HS3ST4: variants seen among roughly 807,000 people sequenced by gnomAD.
HS3ST4 encodes the protein heparan sulfate-glucosamine 3-sulfotransferase 4.
In HS3ST4, 17 loss-of-function variants were observed where a neutral mutation model predicts 29.2. The ratio of observed to expected loss-of-function variants is 0.58; its 90% CI spans 0.40 to 0.87. The LOEUF (loss-of-function observed/expected upper bound fraction) is 0.87. HS3ST4 is among the 40% of genes least tolerant of loss of function. The pLI, the probability that HS3ST4 is intolerant of heterozygous loss-of-function variation, is 0.00. For synonymous variants in HS3ST4, 314 were observed against 285.7 expected (o/e 1.10, Z -1.00); for missense variants, 627 against 634.5 (o/e 0.99, Z 0.13).
intron 1 of HS3ST4, among the ~76,000 whole-genome samples, chr16:25,986,122 C>G (rs11074738): frequency 0.13 from 19,825 of 152,212 alleles, 1,359 homozygotes; most frequent in Middle Eastern, 0.16. Context: ...TGCCAGCATC[C>G]TCTATCACCC....
chr16:25,918,262 G>A (rs935501941), intron 1 of HS3ST4, among the ~76,000 whole-genome samples: 20 of 152,134 alleles, frequency 1.3e-4, no homozygotes, highest in Non-Finnish European at 2.5e-4. Context: ...GGAAGGGCAC[G>A]TCTTATTGTC....
chr16:25,860,575 T>C (rs4603561), intron 1 of HS3ST4, among the ~76,000 whole-genome samples: 11,221 of 152,144 alleles, frequency 0.074, 472 homozygotes, highest in African/African-American at 0.12. Context: ...TGAAAAGATA[T>C]GAAGGAACCT....
chr16:25,776,287 A>T (rs112199122), intron 1 of HS3ST4, among the ~76,000 whole-genome samples: 1 of 152,188 alleles, frequency 6.6e-6, no homozygotes, highest in African/African-American at 2.4e-5. Context: ...CAACCTGGGA[A>T]CTGCTTAGAG....
chr16:25,708,441 C>CA (rs1256356072), intron 1 of HS3ST4, among the ~76,000 whole-genome samples: 3 of 152,134 alleles, frequency 2.0e-5, no homozygotes, highest in Non-Finnish European at 4.4e-5. Flanking sequence ...CCAATTTCTT[C>CA]ATTTGTGTTC....
chr16:25,749,939 G>T (rs1966708461), intron 1 of HS3ST4, among the ~76,000 whole-genome samples: 1 of 152,124 alleles, frequency 6.6e-6, no homozygotes, highest in Non-Finnish European at 1.5e-5. Context: ...ATTCTGGCTG[G>T]CAATGTGGTA....
At chr16:25,944,541 G>A (rs891545258) in intron 1 of HS3ST4, among the ~76,000 whole-genome samples, 1 of 152,216 alleles carries the variant, frequency 6.6e-6, no homozygotes, top group African/African-American at 2.4e-5. Flanking sequence ...TTAAGTTAAG[G>A]ACATTTACAT....
At chr16:26,004,902 C>G (rs1969243431) in intron 1 of HS3ST4, among the ~76,000 whole-genome samples, 1 of 152,116 alleles carries the variant, frequency 6.6e-6, no homozygotes, top group South Asian at 2.1e-4. Context: ...ATTTTGTCTC[C>G]ATATGCATTG....
At chr16:25,777,685 T>C (rs957706254) in intron 1 of HS3ST4, among the ~76,000 whole-genome samples, 4 of 152,116 alleles carry the variant, frequency 2.6e-5, no homozygotes, top group Admixed American at 2.6e-4. Flanking sequence ...GGAGAATCAC[T>C]TGAACCCAGG....
chr16:25,832,141 A>G (rs1967309645), intron 1 of HS3ST4, among the ~76,000 whole-genome samples: 1 of 152,132 alleles, frequency 6.6e-6, no homozygotes, highest in African/African-American at 2.4e-5. Flanking sequence ...AGTCCCATAT[A>G]TCCTCTTTTT....
At chr16:26,038,117 G>A (rs912895578) in intron 1 of HS3ST4, among the ~76,000 whole-genome samples, 1 of 152,032 alleles carries the variant, frequency 6.6e-6, no homozygotes, top group Non-Finnish European at 1.5e-5. Context: ...GGCTTCCTCT[G>A]CTCCATCCAC....
intron 1 of HS3ST4, among the ~76,000 whole-genome samples, chr16:26,046,715 A>G (rs574515276): frequency 1.8e-4 from 27 of 150,684 alleles, no homozygotes; most frequent in South Asian, 1.7e-3. Context: ...ATATATGTGT[A>G]TATATATATA....
At chr16:25,845,550 G>T (rs1967457266) in intron 1 of HS3ST4, among the ~76,000 whole-genome samples, 1 of 152,024 alleles carries the variant, frequency 6.6e-6, no homozygotes, top group East Asian at 1.9e-4. Context: ...AAGAGGAAAT[G>T]CTGGGTCAAA....
intron 1 of HS3ST4, among the ~76,000 whole-genome samples, chr16:25,758,569 G>A (rs763590140): frequency 1.3e-5 from 2 of 152,146 alleles, no homozygotes; most frequent in Admixed American, 6.5e-5. Flanking sequence ...TTCATTGACT[G>A]ATCCCCATCC....
chr16:25,815,828 C>T (rs555055548), intron 1 of HS3ST4, among the ~76,000 whole-genome samples: 19 of 152,264 alleles, frequency 1.2e-4, no homozygotes, highest in Middle Eastern at 3.4e-3. Flanking sequence ...CCTCAAGCCT[C>T]CACTCAGCTC....
intron 1 of HS3ST4, among the ~76,000 whole-genome samples, chr16:25,878,366 T>C (rs116334207): frequency 0.56 from 85,359 of 151,518 alleles, 24,761 homozygotes; most frequent in Non-Finnish European, 0.63. Flanking sequence ...AGGGGTGTAA[T>C]TCTAAATTCC....
chr16:26,125,665 C>T lies in HS3ST4; in HGVS notation c.735-9947C>T, dbSNP rs117455878. On this transcript the variant is annotated intron_variant, in intron 1 of 1. Coordinates refer to ENST00000331351, the MANE Select transcript of HS3ST4 (RefSeq NM_006040.3). ...CTTCATATCCAATGTCTACATCAAGCCTTCTATGTCCTTAGTCCACCTTCT... is the reference window on the plus strand; with the variant it reads ...CTTCATATCCAATGTCTACATCAAGTCTTCTATGTCCTTAGTCCACCTTCT... Among the ~76,000 whole-genome samples, 1,480 of 152,324 alleles carry T rather than the reference C, an allele frequency of 9.7e-3. 13 individuals carry two copies. The highest frequency in any genetic ancestry group is 0.017 in the Non-Finnish European group (1,132 of 68,026).
At chr16:25,703,879 C>T (rs910229400) in intron 1 of HS3ST4, among the ~76,000 whole-genome samples, 10 of 152,152 alleles carry the variant, frequency 6.6e-5, no homozygotes, top group Non-Finnish European at 1.3e-4. Context: ...TCCTGACTAC[C>T]TAATTTAAAT....
chr16:25,919,907 T>G (rs546961174), intron 1 of HS3ST4, among the ~76,000 whole-genome samples: 54 of 152,144 alleles, frequency 3.5e-4, no homozygotes, highest in African/African-American at 1.3e-3. Context: ...ATGTAAACAG[T>G]TTTTTAAGAA....
intron 1 of HS3ST4, among the ~76,000 whole-genome samples, chr16:25,788,500 T>C (rs1359154615): frequency 6.6e-6 from 1 of 151,720 alleles, no homozygotes; most frequent in Non-Finnish European, 1.5e-5. Context: ...TATCATTATC[T>C]TCTTCTTCTC....
Sources: gnomAD v4.1 joint callset for allele counts (sites outside exome capture counted in the v4.1 genomes callset) on GRCh38, gnomAD v4.1.1 for gene constraint, MANE v1.5 for transcripts, NCBI Gene and HGNC (gene_info 2026-07-23, HGNC 2026-07-21) for gene names.